The following BICC1 variants were observed in gnomAD, a reference collection of about 807,000 sequenced individuals.
The protein encoded by BICC1 is BicC family RNA binding protein 1.
In BICC1, 43 loss-of-function variants were observed where a neutral mutation model predicts 111.0. The ratio of observed to expected loss-of-function variants is 0.39; its 90% CI spans 0.30 to 0.50. The LOEUF is 0.50. Among genes scored for constraint, BICC1 ranks in the 20% least tolerant of loss-of-function variants. BICC1 has a pLI of 0.88. For missense variants in BICC1, 1,091 were observed against 1,203.2 expected, an observed-to-expected ratio of 0.91 and a Z score of 1.38; for synonymous variants, 467 against 434.4, an observed-to-expected ratio of 1.07 and a Z score of -0.93.
At chr10:58,560,243 C>T (rs1843566917) in intron 1 of BICC1, among the ~76,000 whole-genome samples, 1 of 151,850 alleles carries the variant, frequency 6.6e-6, no homozygotes, top group African/African-American at 2.4e-5. Context: ...TCTCCTTACT[C>T]ATTATTAGTT....
intron 3 of BICC1, among the ~76,000 whole-genome samples, chr10:58,719,559 T>G (rs1179835399): frequency 6.6e-6 from 1 of 152,000 alleles, no homozygotes; most frequent in Non-Finnish European, 1.5e-5. Context: ...CAGGCTGGAG[T>G]GCAGTGGCGG....
intron 3 of BICC1, among the ~76,000 whole-genome samples, chr10:58,705,758 G>T (rs1265063276): frequency 6.6e-6 from 1 of 152,152 alleles, no homozygotes; most frequent in Non-Finnish European, 1.5e-5. Flanking sequence ...TGGGTTTATT[G>T]CATACTGGTG....
intron 1 of BICC1, among the ~76,000 whole-genome samples, chr10:58,544,747 T>G (rs777530150): frequency 3.9e-5 from 6 of 152,150 alleles, no homozygotes; most frequent in Non-Finnish European, 5.9e-5. Context: ...TCCATTAACA[T>G]GTTATTACAG....
chr10:58,561,693 C>T (rs1589099769), intron 1 of BICC1, among the ~76,000 whole-genome samples: 2 of 151,992 alleles, frequency 1.3e-5, no homozygotes, highest in Admixed American at 6.6e-5. Flanking sequence ...TGATTCCTTT[C>T]TCATCCTTGT....
At chr10:58,674,041 G>C (rs1322232986) in intron 2 of BICC1, among the ~76,000 whole-genome samples, 5 of 152,150 alleles carry the variant, frequency 3.3e-5, no homozygotes, top group African/African-American at 1.2e-4. Context: ...TCTGAATAAT[G>C]GTTTTGAAAT....
chr10:58,516,494 G>GA (rs1343180924), intron 1 of BICC1, among the ~76,000 whole-genome samples: 2 of 104,056 alleles, frequency 1.9e-5, no homozygotes, highest in Non-Finnish European at 3.8e-5. Flanking sequence ...CTTTTTTCAT[G>GA]GTTTTTTACT....
chr10:58,813,109 A>T (rs1843963568), intron 17 of BICC1, among the ~76,000 whole-genome samples: 1 of 152,158 alleles, frequency 6.6e-6, no homozygotes, highest in Admixed American at 6.6e-5. Context: ...ACAGTAAAGG[A>T]TTCTCTTGGA....
chr10:58,559,856 T>A (rs150461047), intron 1 of BICC1, among the ~76,000 whole-genome samples: 194 of 152,156 alleles, frequency 1.3e-3, no homozygotes, highest in Middle Eastern at 0.01. Flanking sequence ...CATTTAGGTT[T>A]TGTTCATTTT....
intron 2 of BICC1, among the ~76,000 whole-genome samples, chr10:58,665,626 A>G (rs1838984576): frequency 6.6e-6 from 1 of 151,504 alleles, no homozygotes; most frequent in Admixed American, 6.6e-5. Flanking sequence ...TGCTTCACCA[A>G]GGCAAAACCA....
At chr10:58,783,928 T>A (rs182851966) in intron 3 of BICC1, among the ~76,000 whole-genome samples, 26 of 152,274 alleles carry the variant, frequency 1.7e-4, no homozygotes, top group Admixed American at 1.5e-3. Context: ...CTTGAAAACC[T>A]GATTGAAGAG....
chr10:58,608,705 A>G (rs1346945464), intron 1 of BICC1, among the ~76,000 whole-genome samples: 1 of 152,234 alleles, frequency 6.6e-6, no homozygotes, highest in African/African-American at 2.4e-5. Context: ...TTTCAGGGGT[A>G]AAACAGAGCT....
chr10:58,572,945 G>A (rs1246130298), intron 1 of BICC1, among the ~76,000 whole-genome samples: 2 of 152,154 alleles, frequency 1.3e-5, no homozygotes, highest in Non-Finnish European at 2.9e-5. Flanking sequence ...ATGTTGTTAT[G>A]TGATATTCTG....
intron 2 of BICC1, among the ~76,000 whole-genome samples, chr10:58,645,427 A>G (rs1455203684): frequency 6.6e-6 from 1 of 151,380 alleles, no homozygotes; most frequent in Non-Finnish European, 1.5e-5. Flanking sequence ...AAAAAAAAAA[A>G]AAAAAAAAGA....
chr10:58,701,721 G>A (rs1304583718), intron 2 of BICC1, among the ~76,000 whole-genome samples: 2 of 152,114 alleles, frequency 1.3e-5, no homozygotes, highest in Non-Finnish European at 2.9e-5. Flanking sequence ...CTTGGCAATT[G>A]TCTTGGGGAA....
chr10:58,797,182 T>C (rs923722789), intron 10 of BICC1, among the ~76,000 whole-genome samples: 1 of 152,220 alleles, frequency 6.6e-6, no homozygotes, highest in African/African-American at 2.4e-5. Flanking sequence ...CTGAAGTTAA[T>C]TGCTGTATTA....
At chr10:58,823,495 T>C in intron 20 of BICC1, 3 of 984,344 alleles carry the variant, frequency 3.0e-6, no homozygotes, top group Non-Finnish European at 3.6e-6. Flanking sequence ...AGAAACTGTA[T>C]CGATTAGGGT....
At chr10:58,648,518 A>G in intron 2 of BICC1, 3 of 985,270 alleles carry the variant, frequency 3.0e-6, no homozygotes, top group Non-Finnish European at 3.6e-6. Flanking sequence ...GACTTAGTGT[A>G]TTCCTATAAA....
intron 1 of BICC1, among the ~76,000 whole-genome samples, chr10:58,576,713 A>T (rs2131997235): frequency 6.6e-6 from 1 of 152,310 alleles, no homozygotes; most frequent in South Asian, 2.1e-4. Flanking sequence ...GTTTAAAAGG[A>T]TCAATACTGT....
chr10:58,537,781 C>T (rs2131873905), intron 1 of BICC1, among the ~76,000 whole-genome samples: 1 of 151,900 alleles, frequency 6.6e-6, no homozygotes, highest in Non-Finnish European at 1.5e-5. Flanking sequence ...CCAGTAAAGT[C>T]TCAGGTTACA....
Sources: allele counts gnomAD v4.1 joint callset (sites outside exome capture counted in the v4.1 genomes callset), GRCh38; gene constraint gnomAD v4.1.1; transcripts MANE v1.5; gene names NCBI Gene and HGNC (gene_info 2026-07-23, HGNC 2026-07-21).